The following UVRAG variants were observed in gnomAD, a reference collection of about 807,000 sequenced individuals.
UVRAG encodes the protein UV radiation resistance associated.
In UVRAG, 19 loss-of-function variants were observed where a neutral mutation model predicts 78.0. The observed-to-expected ratio is 0.24, with a 90% confidence interval of 0.17 to 0.36. The LOEUF (loss-of-function observed/expected upper bound fraction) is 0.36. Ranked by LOEUF, UVRAG falls within the 10% of genes least tolerant of loss-of-function variation. UVRAG has a pLI of 1.00. For synonymous variants in UVRAG, 323 were observed against 324.6 expected (o/e 1.00, Z 0.05); for missense variants, 740 against 853.8 (o/e 0.87, Z 1.66).
intron 13 of UVRAG, among the ~76,000 whole-genome samples, chr11:76,078,076 C>T (rs560385527): frequency 3.3e-5 from 5 of 152,222 alleles, no homozygotes; most frequent in Admixed American, 3.3e-4. Flanking sequence ...CATATAAATT[C>T]TCACTATACT....
At chr11:75,983,331 T>C (rs1949430379) in intron 7 of UVRAG, 56 bp from the exon 8 acceptor site, 13 of 1,428,274 alleles carry the variant, frequency 9.1e-6, no homozygotes, top group Non-Finnish European at 1.1e-5. Flanking sequence ...AGTATGTAAT[T>C]ATTCATAGTC....
intron 6 of UVRAG, among the ~76,000 whole-genome samples, chr11:75,933,726 A>G (rs188486493): frequency 1.3e-5 from 2 of 152,354 alleles, no homozygotes; most frequent in Admixed American, 6.5e-5. Context: ...AGACATATAC[A>G]TGGCAGACAG....
chr11:75,870,065 T>C (rs1480005468), intron 3 of UVRAG, among the ~76,000 whole-genome samples: 4 of 152,154 alleles, frequency 2.6e-5, no homozygotes, highest in Admixed American at 2.6e-4. Context: ...CGGGTATGTA[T>C]AGGTTAAATA....
At chr11:75,857,447 C>T (rs1010710988) in intron 2 of UVRAG, among the ~76,000 whole-genome samples, 1 of 152,108 alleles carries the variant, frequency 6.6e-6, no homozygotes, top group Admixed American at 6.6e-5. Flanking sequence ...TTCACTTATT[C>T]ACGTGACTAG....
At chr11:75,818,405 G>T (rs1945310901) in intron 1 of UVRAG, among the ~76,000 whole-genome samples, 1 of 151,056 alleles carries the variant, frequency 6.6e-6, no homozygotes, top group African/African-American at 2.4e-5. Flanking sequence ...TGGAATGTCA[G>T]TTGTTAACTT....
At chr11:75,867,755 T>G (rs894172366) in intron 3 of UVRAG, among the ~76,000 whole-genome samples, 4 of 152,232 alleles carry the variant, frequency 2.6e-5, no homozygotes, top group African/African-American at 9.6e-5. Context: ...GAGTTCTGTT[T>G]ACATGGTTGT....
At chr11:75,945,110 A>G (rs548704691) in intron 6 of UVRAG, among the ~76,000 whole-genome samples, 129 of 152,158 alleles carry the variant, frequency 8.5e-4, no homozygotes, top group Non-Finnish European at 1.7e-3. Context: ...AAAAAAATAA[A>G]TTAATTATCA....
At chr11:75,930,371 G>A (rs184197309) in intron 6 of UVRAG, among the ~76,000 whole-genome samples, 1 of 152,162 alleles carries the variant, frequency 6.6e-6, no homozygotes, top group East Asian at 1.9e-4. Context: ...TGATCAAAGG[G>A]CCATGTAATT....
intron 12 of UVRAG, among the ~76,000 whole-genome samples, chr11:76,053,308 AACACAC>A (rs377457433): frequency 4.5e-4 from 64 of 140,698 alleles, no homozygotes; most frequent in African/African-American, 1.1e-3. Flanking sequence ...TCTGTCTCAA[AACACAC>A]ACACACACAC....
At chr11:75,968,716 T>C (rs1255876783) in intron 7 of UVRAG, among the ~76,000 whole-genome samples, 1 of 152,208 alleles carries the variant, frequency 6.6e-6, no homozygotes, top group African/African-American at 2.4e-5. Flanking sequence ...GAATATTTGC[T>C]TTTCTTTTTC....
intron 3 of UVRAG, among the ~76,000 whole-genome samples, chr11:75,877,884 C>T (rs1355741487): frequency 2.1e-5 from 3 of 145,036 alleles, no homozygotes; most frequent in Admixed American, 1.4e-4. Context: ...ACCTCCCTCC[C>T]GGACGGGGCG....
intron 6 of UVRAG, among the ~76,000 whole-genome samples, chr11:75,935,473 T>C (rs199640117): frequency 6.0e-5 from 9 of 149,574 alleles, no homozygotes; most frequent in South Asian, 4.2e-4. Flanking sequence ...CTGTCTCTCT[T>C]TCTCTCTCTC....
At chr11:76,056,134 G>C (rs541686417) in intron 12 of UVRAG, among the ~76,000 whole-genome samples, 8 of 152,240 alleles carry the variant, frequency 5.3e-5, no homozygotes, top group Admixed American at 2.0e-4. Context: ...CTTTTTTCTA[G>C]TGAATCACTG....
intron 12 of UVRAG, among the ~76,000 whole-genome samples, chr11:76,025,246 C>A (rs1280072445): frequency 6.6e-6 from 1 of 152,134 alleles, no homozygotes; most frequent in African/African-American, 2.4e-5. Flanking sequence ...CTCCACCCCC[C>A]ACTTCTTTCA....
intron 3 of UVRAG, among the ~76,000 whole-genome samples, chr11:75,876,232 G>A (rs1946776586): frequency 6.6e-6 from 1 of 152,154 alleles, no homozygotes; most frequent in South Asian, 2.1e-4. Flanking sequence ...TGTCTCATCA[G>A]TCATTATCAG....
intron 1 of UVRAG, 57 bp from the exon 2 acceptor site, chr11:75,851,825 GA>G (rs1946158262): frequency 1.1e-5 from 16 of 1,415,000 alleles, no homozygotes; most frequent in East Asian, 2.3e-5. Context: ...GCAACTTCCA[GA>G]AAATTTTATA....
At chr11:76,013,961 G>A (rs1357349285) in intron 11 of UVRAG, among the ~76,000 whole-genome samples, 3 of 152,194 alleles carry the variant, frequency 2.0e-5, no homozygotes, top group Admixed American at 6.5e-5. Flanking sequence ...TTTAATAGGT[G>A]GAGTGGGAAG....
intron 8 of UVRAG, among the ~76,000 whole-genome samples, chr11:75,994,613 C>A (rs1949670823): frequency 6.6e-6 from 1 of 152,164 alleles, no homozygotes. Context: ...TTAAAATAGT[C>A]TTAAGATATC....
chr11:76,003,864 C>G, intron 8 of UVRAG, 141 bp from the exon 9 acceptor site: 4 of 695,498 alleles, frequency 5.8e-6, no homozygotes, highest in Non-Finnish European at 9.8e-6. Flanking sequence ...GCTACTCTCC[C>G]CAAAAAATCT....
Sources: gnomAD v4.1 joint callset for allele counts (sites outside exome capture counted in the v4.1 genomes callset) on GRCh38, gnomAD v4.1.1 for gene constraint, MANE v1.5 for transcripts, NCBI Gene and HGNC (gene_info 2026-07-23, HGNC 2026-07-21) for gene names.